Variants in IKZF2 observed in about 807,000 individuals in gnomAD.
IKZF2 encodes the protein zinc finger protein Helios.
IKZF2 carries 15 observed loss-of-function variants against 49.2 expected under a neutral mutation model. The ratio of observed to expected loss-of-function variants is 0.30; its 90% CI spans 0.20 to 0.47. IKZF2 has a LOEUF of 0.47. IKZF2 is among the 20% of genes least tolerant of loss of function. IKZF2 has a pLI of 1.00. For synonymous variants in IKZF2, 227 were observed against 221.4 expected (o/e 1.03, Z -0.23); for missense variants, 567 against 664.6 (o/e 0.85, Z 1.61).
intron 7 of IKZF2, among the ~76,000 whole-genome samples, chr2:213,017,394 A>G (rs188476737): frequency 2.2e-4 from 34 of 152,322 alleles, no homozygotes; most frequent in Non-Finnish European, 4.3e-4. Context: ...AAAAGAATAT[A>G]GTAAAAGAAG....
At chr2:213,053,681 C>A (rs1700882638) in intron 5 of IKZF2, among the ~76,000 whole-genome samples, 1 of 152,116 alleles carries the variant, frequency 6.6e-6, no homozygotes, top group Admixed American at 6.6e-5. Flanking sequence ...TGTATAATGT[C>A]CAATCGATAT....
intron 4 of IKZF2, among the ~76,000 whole-genome samples, chr2:213,091,217 A>G (rs1236245634): frequency 6.6e-6 from 1 of 152,170 alleles, no homozygotes; most frequent in East Asian, 1.9e-4. Flanking sequence ...AAAAAGTATG[A>G]TCCAATATGG....
At chr2:213,036,662 T>C (rs1303169088) in intron 6 of IKZF2, among the ~76,000 whole-genome samples, 2 of 152,170 alleles carry the variant, frequency 1.3e-5, no homozygotes, top group African/African-American at 4.8e-5. Flanking sequence ...CATATTTCTA[T>C]ACAATTTAAA....
chr2:213,086,002 G>A (rs777073818), intron 4 of IKZF2, among the ~76,000 whole-genome samples: 2 of 151,962 alleles, frequency 1.3e-5, no homozygotes, highest in Non-Finnish European at 1.5e-5. Context: ...GGTGAGACGT[G>A]GGGTAAAGAA....
intron 4 of IKZF2, among the ~76,000 whole-genome samples, chr2:213,132,391 C>CA (rs1187793571): frequency 6.6e-6 from 1 of 151,726 alleles, no homozygotes; most frequent in East Asian, 1.9e-4. Context: ...AACTCTGACC[C>CA]AAAAAAGGTG....
At position 213,006,794 on chromosome 2, in the gene IKZF2, A is replaced by T. The variant is rs1695380022; in HGVS notation, c.*566T>A. 1 of 153,540 alleles carries T rather than the reference A, an allele frequency of 6.5e-6. No homozygotes were observed. The highest frequency in any genetic ancestry group is 1.5e-5 in the Non-Finnish European group (1 of 68,802). The allele number at this position is 153,540 out of a possible 1,614,324, so 9.5% of individuals were successfully genotyped here. ...AAACATACTGAATTATAAATTCCATAGGGGAAGTAAACATAGAACCCACAA... is the reference window on the plus strand; with the variant it reads ...AAACATACTGAATTATAAATTCCATTGGGGAAGTAAACATAGAACCCACAA... On this transcript the variant is annotated 3_prime_UTR_variant, in exon 9 of 9. Transcript: ENST00000434687.
intron 4 of IKZF2, among the ~76,000 whole-genome samples, chr2:213,077,468 G>C (rs549623634): frequency 6.6e-6 from 1 of 151,430 alleles, no homozygotes; most frequent in Admixed American, 6.6e-5. Context: ...AATGAAAATA[G>C]TAAGTAAGTA....
intron 8 of IKZF2, 98 bp from the exon 9 acceptor site, chr2:213,008,182 T>C: frequency 7.5e-7 from 1 of 1,336,960 alleles, no homozygotes; most frequent in Non-Finnish European, 1.0e-6. Flanking sequence ...AGTTGACTGA[T>C]TGCCTCCATT....
intron 4 of IKZF2, among the ~76,000 whole-genome samples, chr2:213,099,392 T>C (rs1169507918): frequency 6.6e-6 from 1 of 152,158 alleles, no homozygotes; most frequent in Admixed American, 6.5e-5. Context: ...AGGGATTCTT[T>C]CTTATAAGCT....
At chr2:213,131,341 T>G (rs1346222193) in intron 4 of IKZF2, among the ~76,000 whole-genome samples, 1 of 152,166 alleles carries the variant, frequency 6.6e-6, no homozygotes, top group Admixed American at 6.5e-5. Context: ...AAAACAACAT[T>G]AGAATTACAT....
At chr2:213,095,155 G>A (rs1416830768) in intron 4 of IKZF2, among the ~76,000 whole-genome samples, 4 of 152,054 alleles carry the variant, frequency 2.6e-5, no homozygotes, top group Non-Finnish European at 4.4e-5. Context: ...TGTGATAATG[G>A]TAAATAAACT....
At chr2:213,078,020 C>T (rs985935090) in intron 4 of IKZF2, among the ~76,000 whole-genome samples, 2 of 151,924 alleles carry the variant, frequency 1.3e-5, no homozygotes, top group Non-Finnish European at 2.9e-5. Context: ...ATTGCATATT[C>T]CTTTCCGTCT....
chr2:213,017,119 T>G (rs185490176), intron 7 of IKZF2: 2 of 152,302 alleles, frequency 1.3e-5, no homozygotes, highest in East Asian at 1.9e-4. Context: ...TGCTTTGGCT[T>G]CTGTGAAATC....
At chr2:213,072,704 A>AT (rs766084805) in intron 4 of IKZF2, among the ~76,000 whole-genome samples, 1 of 152,116 alleles carries the variant, frequency 6.6e-6, no homozygotes, top group Non-Finnish European at 1.5e-5. Context: ...CAAGCCTTGC[A>AT]TATTAGGTAC....
chr2:213,109,035 C>A (rs2059620068), intron 4 of IKZF2, among the ~76,000 whole-genome samples: 1 of 151,526 alleles, frequency 6.6e-6, no homozygotes, highest in Non-Finnish European at 1.5e-5. Context: ...ATGCCATAAT[C>A]ATTCTTAAAG....
intron 4 of IKZF2, among the ~76,000 whole-genome samples, chr2:213,109,722 G>C (rs1172507284): frequency 6.6e-6 from 1 of 151,870 alleles, no homozygotes; most frequent in Admixed American, 6.6e-5. Context: ...TTACAGTACA[G>C]CAATTTGGCA....
At chr2:213,046,850 G>A (rs980495805) in intron 6 of IKZF2, among the ~76,000 whole-genome samples, 5 of 152,066 alleles carry the variant, frequency 3.3e-5, no homozygotes, top group Admixed American at 6.6e-5. Context: ...GGCTTACCTG[G>A]TACTTTCTCA....
rs767690690 is a variant in IKZF2 at position 213,013,886 on chromosome 2, T to C, written c.761A>G (p.Asn254Ser). Residue 254 changes from asparagine (N) to serine (S), a missense_variant, in exon 8 of 9, where the codon AAT becomes AGT. Transcript: ENST00000434687. ...CKEQEPIMDNNISLVPFERPA... is the reference protein window; with the variant it reads ...CKEQEPIMDNSISLVPFERPA... ...TCTCTCAAAAGGCACCAGAGAAATA[T>C]TGTTGTCCATAATAGGCTCTTGTTC... The C allele has an allele frequency of 2.4e-5, 38 of 1,611,886 alleles. No homozygotes were observed. The African/African-American group carries it at 2.8e-4, about 12-fold the overall frequency.
Position 213,000,802 on chromosome 2 carries a change from G to A in IKZF2, c.*6558C>T, listed in dbSNP as rs1017453761. On this transcript the variant is annotated 3_prime_UTR_variant, in exon 9 of 9. Coordinates refer to ENST00000434687, the MANE Select transcript of IKZF2 (RefSeq NM_001387220.1). ...GTAAAATAAAAATATTAAGTATTAG[G>A]TTCTTAATTTAGAGCATTGGGCGAG... 4 of 151,576 alleles carry A rather than the reference G, an allele frequency of 2.6e-5. No individual in the cohort carries two copies. The highest frequency in any genetic ancestry group is 5.9e-5 in the Non-Finnish European group (4 of 67,588). 9.4% of individuals were successfully genotyped at this position (151,576 alleles called of 1,614,324 possible).
Sources: gnomAD v4.1 joint callset for allele counts (sites outside exome capture counted in the v4.1 genomes callset) on GRCh38, gnomAD v4.1.1 for gene constraint, MANE v1.5 for transcripts, NCBI Gene and HGNC (gene_info 2026-07-23, HGNC 2026-07-21) for gene names.